NLGN1: variants seen among roughly 807,000 people sequenced by gnomAD.
NLGN1 encodes the protein neuroligin 1.
Under a neutral mutation model 65.5 loss-of-function variants are expected in NLGN1, and 12 were observed. That is an observed-to-expected ratio of 0.18 (90% CI 0.12 to 0.30). The LOEUF is 0.30. Among genes scored for constraint, NLGN1 ranks in the 10% least tolerant of loss-of-function variants. The probability of loss-of-function intolerance (pLI) is 1.00; values close to 1 mark genes in which losing one functional copy is unlikely to be tolerated. For missense variants in NLGN1, 750 were observed against 1,007.1 expected, an observed-to-expected ratio of 0.74 and a Z score of 3.46; for synonymous variants, 350 against 359.5, an observed-to-expected ratio of 0.97 and a Z score of 0.30.
intron 4 of NLGN1, among the ~76,000 whole-genome samples, chr3:174,158,248 A>G (rs954364309): frequency 2.1e-4 from 32 of 151,802 alleles, no homozygotes; most frequent in African/African-American, 6.5e-4. Flanking sequence ...AATGCGAAGA[A>G]GAAAATTTGT....
intron 4 of NLGN1, among the ~76,000 whole-genome samples, chr3:174,201,003 G>A (rs936845406): frequency 6.6e-6 from 1 of 152,046 alleles, no homozygotes; most frequent in South Asian, 2.1e-4. Context: ...TTAGAATGCC[G>A]AGGTAGGTGA....
chr3:174,170,118 G>T (rs779595071), intron 4 of NLGN1, among the ~76,000 whole-genome samples: 6 of 151,602 alleles, frequency 4.0e-5, no homozygotes, highest in Non-Finnish European at 7.4e-5. Context: ...GTGGATTCCT[G>T]TTGTCTTTCT....
intron 3 of NLGN1, among the ~76,000 whole-genome samples, chr3:173,651,792 AT>A (rs532351738): frequency 1.3e-5 from 2 of 150,696 alleles, no homozygotes; most frequent in African/African-American, 2.4e-5. Flanking sequence ...TTCTTTGCCC[AT>A]TTTTTTTGTT....
At chr3:174,039,377 A>G (rs1731800861) in intron 4 of NLGN1, among the ~76,000 whole-genome samples, 1 of 151,948 alleles carries the variant, frequency 6.6e-6, no homozygotes, top group Non-Finnish European at 1.5e-5. Context: ...TCTAGGTTTT[A>G]AGCCCGGCAT....
At chr3:174,043,990 A>T (rs531252606) in intron 4 of NLGN1, among the ~76,000 whole-genome samples, 1 of 152,220 alleles carries the variant, frequency 6.6e-6, no homozygotes. Context: ...CCAAACCTCA[A>T]TTCTTCACTT....
intron 2 of NLGN1, among the ~76,000 whole-genome samples, chr3:173,439,149 T>G (rs1718684399): frequency 6.6e-6 from 1 of 152,198 alleles, no homozygotes; most frequent in Non-Finnish European, 1.5e-5. Flanking sequence ...CAACAAAGTT[T>G]GTTTGCACAA....
chr3:174,165,698 G>C (rs73048211), intron 4 of NLGN1, among the ~76,000 whole-genome samples: 6 of 152,114 alleles, frequency 3.9e-5, no homozygotes, highest in African/African-American at 1.4e-4. Context: ...GTATCATGGT[G>C]AGTCTGGCCT....
At chr3:173,577,896 T>C (rs1231212784) in intron 2 of NLGN1, among the ~76,000 whole-genome samples, 3 of 152,114 alleles carry the variant, frequency 2.0e-5, no homozygotes, top group African/African-American at 4.8e-5. Context: ...GACAGATAGA[T>C]AGAGACAGAG....
intron 3 of NLGN1, among the ~76,000 whole-genome samples, chr3:173,660,108 T>C (rs1676697381): frequency 6.7e-5 from 1 of 14,816 alleles, no homozygotes; most frequent in African/African-American, 4.5e-4. Flanking sequence ...TTATTCTTGC[T>C]ATTCGTAGAG....
chr3:174,020,609 A>C lies in NLGN1; in HGVS notation c.646+212777A>C, dbSNP rs145583929. On this transcript the variant is annotated intron_variant, in intron 4 of 6. Coordinates refer to ENST00000457714, the Ensembl canonical transcript of NLGN1. ...AGGTTGAGGATGCCTGTATAAATTT[A>C]TAAAGGATTAATTTTATATTATATT... Among the ~76,000 whole-genome samples the C allele has an allele frequency of 9.1e-4, 139 of 152,242 alleles. 1 individual carries two copies. The East Asian group carries it at 0.023, about 26-fold the overall frequency.
intron 4 of NLGN1, among the ~76,000 whole-genome samples, chr3:174,074,045 A>T (rs1168665215): frequency 6.6e-6 from 1 of 152,188 alleles, no homozygotes; most frequent in African/African-American, 2.4e-5. Context: ...CTGTTACAGT[A>T]TGCAGGAAGG....
chr3:174,129,339 C>A (rs1719652281), intron 4 of NLGN1, among the ~76,000 whole-genome samples: 1 of 147,520 alleles, frequency 6.8e-6, no homozygotes, highest in South Asian at 2.2e-4. Flanking sequence ...CTATCTCCCC[C>A]CACCCCCGGT....
At chr3:173,402,932 C>CA (rs959843131) in intron 1 of NLGN1, among the ~76,000 whole-genome samples, 3 of 152,068 alleles carry the variant, frequency 2.0e-5, no homozygotes, top group African/African-American at 4.8e-5. Flanking sequence ...CTGCTTCACA[C>CA]AAAAAATCAG....
At chr3:173,973,523 CAA>C (rs752535813) in intron 4 of NLGN1, among the ~76,000 whole-genome samples, 11 of 150,382 alleles carry the variant, frequency 7.3e-5, no homozygotes, top group Non-Finnish European at 1.3e-4. Context: ...TATATGATAA[CAA>C]ATTTTTGAGG....
At chr3:173,494,202 T>G (rs989313314) in intron 2 of NLGN1, among the ~76,000 whole-genome samples, 3 of 151,178 alleles carry the variant, frequency 2.0e-5, no homozygotes, top group African/African-American at 7.3e-5. Flanking sequence ...GTTGTTGGTA[T>G]TGTTCTGTTT....
At chr3:173,631,086 G>A (rs890463483) in intron 3 of NLGN1, among the ~76,000 whole-genome samples, 1 of 152,080 alleles carries the variant, frequency 6.6e-6, no homozygotes. Flanking sequence ...AACTGTGTGG[G>A]TAGTTTCAGA....
intron 4 of NLGN1, among the ~76,000 whole-genome samples, chr3:174,087,742 A>G (rs1428826878): frequency 6.6e-6 from 1 of 152,194 alleles, no homozygotes; most frequent in Non-Finnish European, 1.5e-5. Flanking sequence ...TAATTATTTG[A>G]CACTTCATAA....
intron 2 of NLGN1, among the ~76,000 whole-genome samples, chr3:173,453,034 T>C (rs1463228308): frequency 6.6e-6 from 1 of 152,120 alleles, no homozygotes; most frequent in African/African-American, 2.4e-5. Flanking sequence ...TTAATGGTGA[T>C]GGCTGCTGAC....
intron 4 of NLGN1, among the ~76,000 whole-genome samples, chr3:174,231,041 A>G (rs566000459): frequency 7.9e-5 from 12 of 152,310 alleles, no homozygotes; most frequent in Admixed American, 6.5e-5. Flanking sequence ...AAGTTAAGCT[A>G]TAAACTAAGT....
Sources: allele counts gnomAD v4.1 joint callset (sites outside exome capture counted in the v4.1 genomes callset), GRCh38; gene constraint gnomAD v4.1.1; transcripts MANE v1.5; gene names NCBI Gene and HGNC (gene_info 2026-07-23, HGNC 2026-07-21).